HHAT: variants seen among roughly 807,000 people sequenced by gnomAD.
HHAT encodes the protein protein-cysteine N-palmitoyltransferase HHAT.
HHAT carries 47 observed loss-of-function variants against 70.8 expected under a neutral mutation model. That is an observed-to-expected ratio of 0.66 (90% CI 0.53 to 0.85). The LOEUF is 0.85. Ranked by LOEUF, HHAT falls within the 40% of genes least tolerant of loss-of-function variation. HHAT has a pLI of 0.00. For synonymous variants in HHAT, 228 were observed against 247.6 expected, an observed-to-expected ratio of 0.92 and a Z score of 0.74; for missense variants, 609 against 604.8, an observed-to-expected ratio of 1.01 and a Z score of -0.07.
intron 1 of HHAT, among the ~76,000 whole-genome samples, chr1:210,337,632 A>G (rs935004335): frequency 6.6e-6 from 1 of 151,928 alleles, no homozygotes; most frequent in Non-Finnish European, 1.5e-5. Context: ...ATCACCTCAC[A>G]TTTCCTCTCT....
At chr1:210,345,660 AACTT>A (rs1485029359) in intron 1 of HHAT, among the ~76,000 whole-genome samples, 1 of 152,216 alleles carries the variant, frequency 6.6e-6, no homozygotes, top group African/African-American at 2.4e-5. Flanking sequence ...ATGCAGTAGG[AACTT>A]ACTTTTTGCT....
At chr1:210,333,236 G>A (rs1290748712) in intron 1 of HHAT, among the ~76,000 whole-genome samples, 1 of 152,182 alleles carries the variant, frequency 6.6e-6, no homozygotes, top group East Asian at 1.9e-4. Context: ...TGGTCTCTGT[G>A]TAGTCAAACC....
intron 9 of HHAT, among the ~76,000 whole-genome samples, chr1:210,540,657 A>T (rs1266088512): frequency 1.3e-5 from 2 of 150,676 alleles, no homozygotes; most frequent in Non-Finnish European, 3.0e-5. Context: ...TTAAGACATG[A>T]GGTCTTGCTA....
intron 9 of HHAT, among the ~76,000 whole-genome samples, chr1:210,582,509 G>GCT (rs1231673863): frequency 6.6e-6 from 1 of 152,140 alleles, no homozygotes; most frequent in Non-Finnish European, 1.5e-5. Context: ...AAGCCAAGGA[G>GCT]CTATTGTATA....
At chr1:210,494,510 A>G (rs2148522073) in intron 8 of HHAT, among the ~76,000 whole-genome samples, 1 of 143,394 alleles carries the variant, frequency 7.0e-6, no homozygotes, top group Non-Finnish European at 1.5e-5. Flanking sequence ...AGGAGATGCA[A>G]GTGGGGAGAT....
intron 9 of HHAT, among the ~76,000 whole-genome samples, chr1:210,539,370 G>A (rs2095406376): frequency 6.6e-6 from 1 of 152,146 alleles, no homozygotes; most frequent in Admixed American, 6.5e-5. Flanking sequence ...GCTTTAGGGT[G>A]CCTGCCCTGG....
intron 8 of HHAT, 93 bp downstream of exon 8, chr1:210,464,748 C>T (rs1456142265): frequency 5.5e-6 from 7 of 1,283,054 alleles, no homozygotes; most frequent in Admixed American, 2.1e-5. Context: ...ACTATCCTCT[C>T]CCTGTCTCTC....
chr1:210,410,148 G>A (rs963991913), intron 6 of HHAT, among the ~76,000 whole-genome samples: 1 of 151,958 alleles, frequency 6.6e-6, no homozygotes, highest in Non-Finnish European at 1.5e-5. Context: ...CACCTCCCGG[G>A]TTCACGTCAT....
At chr1:210,523,387 C>T (rs961715438) in intron 9 of HHAT, among the ~76,000 whole-genome samples, 7 of 152,316 alleles carry the variant, frequency 4.6e-5, no homozygotes, top group East Asian at 1.9e-4. Context: ...ATGCTGCCTT[C>T]TCTGTGCAGC....
chr1:210,431,402 T>G (rs1034317048), intron 7 of HHAT, among the ~76,000 whole-genome samples: 1 of 151,886 alleles, frequency 6.6e-6, no homozygotes, highest in African/African-American at 2.4e-5. Context: ...CCCATTTTTC[T>G]GCTCTTGCTT....
intron 11 of HHAT, among the ~76,000 whole-genome samples, chr1:210,634,681 G>T (rs1278738324): frequency 6.6e-6 from 1 of 152,270 alleles, no homozygotes; most frequent in South Asian, 2.1e-4. Context: ...TTTTCTGTTT[G>T]TGTTCACAGT....
At chr1:210,564,977 A>C (rs1654309280) in intron 9 of HHAT, among the ~76,000 whole-genome samples, 1 of 152,186 alleles carries the variant, frequency 6.6e-6, no homozygotes, top group Non-Finnish European at 1.5e-5. Flanking sequence ...GGATGAAAGA[A>C]AGACATTTAT....
At chr1:210,608,150 T>TG in intron 10 of HHAT, among the ~76,000 whole-genome samples, 1 of 152,170 alleles carries the variant, frequency 6.6e-6, no homozygotes, top group African/African-American at 2.4e-5. Flanking sequence ...AAGACTCCAT[T>TG]TCGAGATTCC....
chr1:210,430,941 A>G (rs1028645829), intron 7 of HHAT, among the ~76,000 whole-genome samples: 1 of 151,860 alleles, frequency 6.6e-6, no homozygotes, highest in Non-Finnish European at 1.5e-5. Flanking sequence ...CATGATAAAC[A>G]TATTTATCTT....
chr1:210,386,986 A>G (rs1457084980), intron 3 of HHAT, among the ~76,000 whole-genome samples: 3 of 152,190 alleles, frequency 2.0e-5, no homozygotes, highest in Non-Finnish European at 4.4e-5. Context: ...ACTGACTTTA[A>G]GCCATTTTAT....
At chr1:210,635,042 G>T (rs575881095) in intron 11 of HHAT, among the ~76,000 whole-genome samples, 11 of 152,190 alleles carry the variant, frequency 7.2e-5, no homozygotes, top group Non-Finnish European at 1.2e-4. Flanking sequence ...GCTCAGGGAT[G>T]CACCAATAAG....
At chr1:210,374,780 T>TA (rs1272612026) in intron 3 of HHAT, among the ~76,000 whole-genome samples, 1 of 137,180 alleles carries the variant, frequency 7.3e-6, no homozygotes, top group African/African-American at 2.9e-5. Flanking sequence ...TTTTTTTTTT[T>TA]AATCCCTTAC....
intron 11 of HHAT, among the ~76,000 whole-genome samples, chr1:210,625,385 T>C (rs1324852736): frequency 6.6e-6 from 1 of 152,124 alleles, no homozygotes; most frequent in African/African-American, 2.4e-5. Flanking sequence ...TGATTTTCGC[T>C]TCCCTAAATC....
At chr1:210,555,926 A>G (rs1007062968) in intron 9 of HHAT, among the ~76,000 whole-genome samples, 3 of 152,190 alleles carry the variant, frequency 2.0e-5, no homozygotes, top group African/African-American at 7.2e-5. Flanking sequence ...TCCTACCAAT[A>G]CATTTGCTTA....
Sources: allele counts gnomAD v4.1 joint callset (sites outside exome capture counted in the v4.1 genomes callset), GRCh38; gene constraint gnomAD v4.1.1; transcripts MANE v1.5; gene names NCBI Gene and HGNC (gene_info 2026-07-23, HGNC 2026-07-21).